MAF: variants seen among roughly 807,000 people sequenced by gnomAD.
MAF encodes the protein MAF bZIP transcription factor, also known as transcription factor Maf.
A neutral mutation model predicts 22.0 loss-of-function variants in MAF; 10 were observed. The observed-to-expected ratio is 0.45, with a 90% CI of 0.28 to 0.77. The LOEUF is 0.77. MAF is among the 30% of genes least tolerant of loss of function. The pLI is 0.12. For synonymous variants in MAF, 337 were observed against 255.8 expected (o/e 1.32, Z -3.03); for missense variants, 544 against 548.4 (o/e 0.99, Z 0.08).
At chr16:79,241,582 G>C in the MAF span, among the ~76,000 whole-genome samples, 1 of 152,098 alleles carries the variant, frequency 6.6e-6, no homozygotes, top group African/African-American at 2.4e-5. Context: ...GTACCTGAAA[G>C]TGACGGGGAG....
At chr16:79,573,495 G>C in the MAF span, among the ~76,000 whole-genome samples, 3 of 152,092 alleles carry the variant, frequency 2.0e-5, no homozygotes, top group East Asian at 1.9e-4. Flanking sequence ...ATATCTTCTG[G>C]AAAGCATTGA....
chr16:79,389,437 T>C, the MAF span, among the ~76,000 whole-genome samples: 3 of 152,006 alleles, frequency 2.0e-5, no homozygotes, highest in Non-Finnish European at 4.4e-5. Flanking sequence ...TTTGTATTTT[T>C]AGTAGAGACA....
the MAF span, among the ~76,000 whole-genome samples, chr16:79,465,910 T>C: frequency 1.3e-5 from 2 of 152,202 alleles, no homozygotes; most frequent in Middle Eastern, 3.2e-3. Flanking sequence ...ATTGTTATTA[T>C]GATTATGATG....
At chr16:79,436,889 G>C in the MAF span, among the ~76,000 whole-genome samples, 3 of 152,346 alleles carry the variant, frequency 2.0e-5, no homozygotes, top group East Asian at 1.9e-4. Context: ...ACTTAGCGCA[G>C]GCAGGCTTTT....
At chr16:79,322,650 G>C in the MAF span, among the ~76,000 whole-genome samples, 7 of 152,080 alleles carry the variant, frequency 4.6e-5, no homozygotes, top group African/African-American at 1.7e-4. Context: ...ACAATTGCAT[G>C]GTGCTAAGGT....
chr16:79,270,582 G>C, the MAF span, among the ~76,000 whole-genome samples: 7 of 152,202 alleles, frequency 4.6e-5, no homozygotes, highest in Non-Finnish European at 1.0e-4. Flanking sequence ...TCATTGCTTA[G>C]GTAGGGCTGG....
At chr16:79,407,505 G>T in the MAF span, among the ~76,000 whole-genome samples, 1 of 152,080 alleles carries the variant, frequency 6.6e-6, no homozygotes, top group Non-Finnish European at 1.5e-5. Flanking sequence ...GTTTTGTAGT[G>T]GGGGTGAAGT....
chr16:79,594,404 CTGCAAATAAT>C lies in MAF; in HGVS notation c.*46_*55del. ...GTCAGGGGTAGGTGGTTCTCCATGA[CTGCAAATAAT>C]AATAATAATGATGATTTTTTTTAAT... is the stretch of plus-strand genomic sequence containing the variant. On this transcript the variant is annotated 3_prime_UTR_variant, in exon 2 of 2. Transcript: ENST00000326043. 6.7e-7 allele frequency: 1 copy of C among 1,481,686 alleles called. No individual in the cohort carries two copies. The highest frequency in any genetic ancestry group is 1.2e-5 in the South Asian group (1 of 82,578). The allele number at this position is 1,481,686 out of a possible 1,614,324, so 91.8% of individuals were successfully genotyped here. A position where few individuals can be genotyped will look rare whatever the true frequency, so the allele number is the denominator to read the frequency against.
At chr16:79,281,689 C>G in the MAF span, among the ~76,000 whole-genome samples, 2 of 151,844 alleles carry the variant, frequency 1.3e-5, no homozygotes, top group African/African-American at 2.4e-5. Flanking sequence ...GCTGGGACTA[C>G]AGGTGCACCA....
the MAF span, among the ~76,000 whole-genome samples, chr16:79,468,216 G>T: frequency 6.6e-6 from 1 of 152,160 alleles, no homozygotes; most frequent in Non-Finnish European, 1.5e-5. Flanking sequence ...GTGAAATGGG[G>T]TGAGCTCCTG....
the MAF span, among the ~76,000 whole-genome samples, chr16:79,358,665 A>G: frequency 6.6e-6 from 1 of 152,256 alleles, no homozygotes; most frequent in East Asian, 1.9e-4. Context: ...GGCTTTACAG[A>G]TACCTGACAT....
the MAF span, among the ~76,000 whole-genome samples, chr16:79,453,175 C>A: frequency 0.018 from 2,753 of 152,186 alleles, 69 homozygotes; most frequent in South Asian, 0.054. Flanking sequence ...GTAAGTGGTA[C>A]CTACAACTCC....
At chr16:79,565,671 T>G in the MAF span, among the ~76,000 whole-genome samples, 1 of 152,174 alleles carries the variant, frequency 6.6e-6, no homozygotes, top group Admixed American at 6.5e-5. Context: ...CCTTCTGCCA[T>G]AATTGTAAGT....
the MAF span, among the ~76,000 whole-genome samples, chr16:79,334,312 C>T: frequency 2.0e-4 from 31 of 152,150 alleles, no homozygotes; most frequent in Non-Finnish European, 2.6e-4. Context: ...TCAAAGCGTC[C>T]AGACCCTGCA....
chr16:79,217,440 G>A, the MAF span, among the ~76,000 whole-genome samples: 2 of 152,190 alleles, frequency 1.3e-5, no homozygotes, highest in Non-Finnish European at 2.9e-5. Flanking sequence ...CTCTTCTCCT[G>A]ATACCGAAAT....
the MAF span, among the ~76,000 whole-genome samples, chr16:79,485,443 C>A: frequency 6.6e-6 from 1 of 152,144 alleles, no homozygotes; most frequent in Non-Finnish European, 1.5e-5. Context: ...GATGCTCTGA[C>A]TCTCCAAACA....
At chr16:79,458,118 G>GTGTT in the MAF span, among the ~76,000 whole-genome samples, 1 of 149,550 alleles carries the variant, frequency 6.7e-6, no homozygotes, top group African/African-American at 2.5e-5. Flanking sequence ...AAGTGTGTGT[G>GTGTT]TGTGTGTGTG....
At chr16:79,554,256 T>C in the MAF span, among the ~76,000 whole-genome samples, 24,870 of 152,118 alleles carry the variant, frequency 0.16, 2,148 homozygotes, top group East Asian at 0.27. Flanking sequence ...AGGTAGGAAG[T>C]AAAATCCCTA....
the MAF span, among the ~76,000 whole-genome samples, chr16:79,417,881 C>T: frequency 1.3e-5 from 2 of 152,058 alleles, no homozygotes; most frequent in Non-Finnish European, 2.9e-5. Flanking sequence ...ATAACGCATC[C>T]GTATTTTCGC....
Sources: allele counts gnomAD v4.1 joint callset (sites outside exome capture counted in the v4.1 genomes callset), GRCh38; gene constraint gnomAD v4.1.1; transcripts MANE v1.5; gene names NCBI Gene and HGNC (gene_info 2026-07-23, HGNC 2026-07-21).